The following MYO5B variants were observed in gnomAD, a reference collection of about 807,000 sequenced individuals.
The protein encoded by MYO5B is unconventional myosin-Vb.
Under a neutral mutation model 229.3 loss-of-function variants are expected in MYO5B, and 143 were observed. The ratio of observed to expected loss-of-function variants is 0.62; its 90% CI spans 0.54 to 0.72. The LOEUF is 0.72. MYO5B is among the 30% of genes least tolerant of loss of function. The pLI is 0.00. For missense variants in MYO5B, 2,321 were observed against 2,331.0 expected (o/e 1.00, Z 0.09); for synonymous variants, 918 against 885.2 (o/e 1.04, Z -0.66).
chr18:50,037,002 C>T lies in MYO5B; in HGVS notation c.311-8G>A. On this transcript the variant is annotated splice_region_variant and splice_polypyrimidine_tract_variant and intron_variant, in intron 3 of 39. Coordinates refer to ENST00000285039, the MANE Select transcript of MYO5B (RefSeq NM_001080467.3). The stretch of plus-strand genomic sequence containing the variant: ...TGGCAACAAGTACGATACCTGCAAA[C>T]AGACAAGGTGGTCAGATTCCGACAG... 1 of 1,614,084 alleles carries T rather than the reference C, an allele frequency of 6.2e-7. No homozygotes were observed. Among genetic ancestry groups the T allele is most frequent in the Non-Finnish European group, 8.5e-7 (1 of 1,180,000 alleles).
chr18:49,891,283 T>C (rs1165239889), intron 22 of MYO5B, among the ~76,000 whole-genome samples: 4 of 152,182 alleles, frequency 2.6e-5, no homozygotes, highest in Non-Finnish European at 4.4e-5. Context: ...AGAAAGACCT[T>C]CTGTGGCCAT....
intron 1 of MYO5B, among the ~76,000 whole-genome samples, chr18:50,138,336 G>C (rs2032366695): frequency 6.6e-6 from 1 of 151,914 alleles, no homozygotes; most frequent in Admixed American, 6.6e-5. Context: ...ATTCCTTCCT[G>C]CCCTCTTTCC....
intron 9 of MYO5B, among the ~76,000 whole-genome samples, chr18:49,978,123 C>T (rs999299636): frequency 3.3e-5 from 5 of 152,168 alleles, no homozygotes; most frequent in Admixed American, 2.6e-4. Context: ...AGGGCTGCCA[C>T]ACCAGGTAGC....
chr18:50,006,640 C>T (rs1309073525), intron 4 of MYO5B, among the ~76,000 whole-genome samples: 1 of 152,190 alleles, frequency 6.6e-6, no homozygotes, highest in Non-Finnish European at 1.5e-5. Flanking sequence ...TTCTGCTAAA[C>T]TACTCTAACT....
chr18:49,841,392 G>C lies in MYO5B; in HGVS notation c.4674C>G (p.His1558Gln), dbSNP rs186428920. 703 of 1,614,234 alleles carry C rather than the reference G, an allele frequency of 4.4e-4. 6 individuals are homozygous for C. The Admixed American group carries it at 9.3e-3, about 21-fold the overall frequency. The change falls in exon 35 of 40, where the codon CAC (histidine) becomes CAG (glutamine). Residue 1558 changes from histidine to glutamine, a missense_variant. By Grantham distance (24) the His-to-Gln change is conservative (BLOSUM62 0). Coordinates refer to ENST00000285039, the MANE Select transcript of MYO5B (RefSeq NM_001080467.3). ...CATCCCCGCTGTACTGCTTCAGACA[G>C]TGAAGAAGGCGGCAGGTGTTGGATA... Reference protein sequence around the residue: ...FWLSNTCRLLHCLKQYSGDEG... With the variant: ...FWLSNTCRLLQCLKQYSGDEG...
intron 1 of MYO5B, among the ~76,000 whole-genome samples, chr18:50,147,475 C>T (rs1384236674): frequency 6.6e-6 from 1 of 152,222 alleles, no homozygotes; most frequent in Non-Finnish European, 1.5e-5. Context: ...ATTTGTTTAA[C>T]ACATGAAGCT....
intron 33 of MYO5B, among the ~76,000 whole-genome samples, chr18:49,845,829 G>T (rs1234192587): frequency 4.6e-5 from 7 of 152,200 alleles, no homozygotes; most frequent in Admixed American, 3.3e-4. Context: ...CTGGAGGGGA[G>T]GGAGCTGGTA....
At chr18:49,879,212 G>GATGAATCTATTACGC in intron 23 of MYO5B, 122 bp from the exon 24 acceptor site, 1 of 1,211,142 alleles carries the variant, frequency 8.3e-7, no homozygotes, top group Non-Finnish European at 1.2e-6. Flanking sequence ...AGAGGCTCTT[G>GATGAATCTATTACGC]ATGAATCTAT....
chr18:50,032,924 T>C (rs1401727713), intron 4 of MYO5B, among the ~76,000 whole-genome samples: 1 of 151,880 alleles, frequency 6.6e-6, no homozygotes, highest in East Asian at 1.9e-4. Context: ...GAGGTGGAGG[T>C]TGCAGTGAGC....
intron 1 of MYO5B, among the ~76,000 whole-genome samples, chr18:50,154,060 A>G (rs2032641632): frequency 6.6e-6 from 1 of 152,166 alleles, no homozygotes; most frequent in South Asian, 2.1e-4. Flanking sequence ...GCCTTGGCCA[A>G]GGCTCCACAA....
intron 1 of MYO5B, among the ~76,000 whole-genome samples, chr18:50,179,456 C>T (rs1257284913): frequency 2.0e-5 from 3 of 152,184 alleles, no homozygotes; most frequent in East Asian, 3.8e-4. Context: ...GGAAGCTGCC[C>T]AGGAGTCAGC....
At chr18:50,173,156 T>C (rs111641468) in intron 1 of MYO5B, among the ~76,000 whole-genome samples, 1 of 151,950 alleles carries the variant, frequency 6.6e-6, no homozygotes, top group African/African-American at 2.4e-5. Context: ...TCCCAGCTAC[T>C]TGGGAGGCTG....
At chr18:50,073,605 C>G (rs1020327507) in intron 1 of MYO5B, among the ~76,000 whole-genome samples, 3 of 152,202 alleles carry the variant, frequency 2.0e-5, no homozygotes, top group African/African-American at 7.2e-5. Context: ...GCTGCTACCT[C>G]TCATGTATGC....
rs749189492 is a variant in MYO5B, at chr18:49,980,464, C to T, written c.1036G>A (p.Gly346Ser). 10 of 1,612,576 alleles carry T rather than the reference C, an allele frequency of 6.2e-6. No homozygotes were observed. The South Asian group carries it at 7.7e-5, about 12-fold the overall frequency. Reference protein sequence around the residue: ...GSVAIQAERDGDSCSISPQDV... With the variant: ...GSVAIQAERDSDSCSISPQDV... ...CTTACTGATATACTACAGGAATCAC[C>T]ATCACGCTCAGCCTGAATCGCCACA... Residue 346 changes from glycine (G) to serine (S), a missense_variant, in exon 9 of 40, where the codon GGT becomes AGT. Around this residue, in one of 2 missense-constraint regions of MYO5B, gnomAD observed 2,113 missense variants for 2,044.7 expected, o/e 1.03. Transcript: ENST00000285039.
intron 17 of MYO5B, among the ~76,000 whole-genome samples, chr18:49,921,956 G>A (rs1317639378): frequency 6.6e-6 from 1 of 152,160 alleles, no homozygotes; most frequent in Non-Finnish European, 1.5e-5. Flanking sequence ...AGTTTCTTTT[G>A]GAAACAGCTG....
chr18:49,933,524 T>C (rs780856157), intron 16 of MYO5B, among the ~76,000 whole-genome samples: 2 of 152,254 alleles, frequency 1.3e-5, no homozygotes, highest in Non-Finnish European at 2.9e-5. Flanking sequence ...TATCAAAGCA[T>C]TTAATGTGGG....
chr18:49,906,233 C>A (rs1017574479), intron 19 of MYO5B, among the ~76,000 whole-genome samples, 186 bp downstream of exon 19: 2 of 152,114 alleles, frequency 1.3e-5, no homozygotes, highest in South Asian at 2.1e-4. Context: ...AGACCTACCC[C>A]CTGAGGTGAG....
intron 4 of MYO5B, among the ~76,000 whole-genome samples, chr18:50,027,137 T>C (rs757009495): frequency 7.2e-5 from 11 of 152,218 alleles, no homozygotes; most frequent in Non-Finnish European, 1.3e-4. Flanking sequence ...TAAATAGCAA[T>C]GCCATTTCAT....
At chr18:50,063,338 A>T (rs2030736214) in intron 1 of MYO5B, among the ~76,000 whole-genome samples, 1 of 152,198 alleles carries the variant, frequency 6.6e-6, no homozygotes, top group Admixed American at 6.5e-5. Context: ...TAGAGCCACA[A>T]GGAATTACAT....
Sources: allele counts gnomAD v4.1 joint callset (sites outside exome capture counted in the v4.1 genomes callset), GRCh38; gene constraint gnomAD v4.1.1; regional missense constraint gnomAD v4.1.1; transcripts MANE v1.5; gene names NCBI Gene and HGNC (gene_info 2026-07-23, HGNC 2026-07-21).